The following INPP4B variants were observed in gnomAD, a reference collection of about 807,000 sequenced individuals.
The protein encoded by INPP4B is inositol polyphosphate 4-phosphatase type II.
A neutral mutation model predicts 122.5 loss-of-function variants in INPP4B; 55 were observed. The ratio of observed to expected loss-of-function variants is 0.45; its 90% CI spans 0.36 to 0.56. INPP4B has a LOEUF of 0.56. Ranked by LOEUF, INPP4B falls within the 20% of genes least tolerant of loss-of-function variation. The pLI is 0.00. For missense variants in INPP4B, 1,000 were observed against 1,097.7 expected, an observed-to-expected ratio of 0.91 and a Z score of 1.26; for synonymous variants, 403 against 388.7, an observed-to-expected ratio of 1.04 and a Z score of -0.43.
At chr4:142,096,575 T>A (rs1781886390) in intron 23 of INPP4B, among the ~76,000 whole-genome samples, 1 of 152,148 alleles carries the variant, frequency 6.6e-6, no homozygotes, top group African/African-American at 2.4e-5. Context: ...TGGATATTAT[T>A]TCTTCTCACT....
chr4:142,785,335 A>G (rs905213365), intron 1 of INPP4B, among the ~76,000 whole-genome samples: 2 of 152,108 alleles, frequency 1.3e-5, no homozygotes, highest in Admixed American at 6.6e-5. Flanking sequence ...CTGAAGACAT[A>G]AAGCAACTGT....
chr4:142,330,568 C>T (rs541604456), intron 7 of INPP4B, among the ~76,000 whole-genome samples: 3 of 152,260 alleles, frequency 2.0e-5, no homozygotes, highest in East Asian at 3.9e-4. Flanking sequence ...CACACACACA[C>T]ATATTCAGTG....
chr4:142,139,603 G>A (rs1306309499), intron 18 of INPP4B, among the ~76,000 whole-genome samples: 12 of 152,092 alleles, frequency 7.9e-5, no homozygotes, highest in Admixed American at 2.6e-4. Context: ...CACCCTGCCC[G>A]GCCCAGTCTT....
intron 16 of INPP4B, among the ~76,000 whole-genome samples, chr4:142,164,726 T>C (rs1364866007): frequency 4.6e-5 from 7 of 151,718 alleles, no homozygotes; most frequent in Admixed American, 4.6e-4. Context: ...GGTCTTTTTA[T>C]TTATTATTTT....
chr4:142,361,098 T>G (rs1330193824), intron 7 of INPP4B, among the ~76,000 whole-genome samples: 2 of 151,842 alleles, frequency 1.3e-5, no homozygotes, highest in Non-Finnish European at 2.9e-5. Context: ...TTTTCTCCAT[T>G]CCACTGCCAA....
chr4:142,440,499 T>C (rs916086715), intron 3 of INPP4B, among the ~76,000 whole-genome samples: 1 of 152,190 alleles, frequency 6.6e-6, no homozygotes, highest in East Asian at 1.9e-4. Flanking sequence ...ATCCAAGATG[T>C]TGGTTTTCCT....
chr4:142,139,740 T>C (rs1426295695), intron 18 of INPP4B, among the ~76,000 whole-genome samples: 1 of 152,240 alleles, frequency 6.6e-6, no homozygotes, highest in Non-Finnish European at 1.5e-5. Context: ...ACTTTTAGGA[T>C]GAAAAATCTT....
At chr4:142,180,028 A>G (rs945715483) in intron 15 of INPP4B, among the ~76,000 whole-genome samples, 1 of 152,160 alleles carries the variant, frequency 6.6e-6, no homozygotes, top group Non-Finnish European at 1.5e-5. Context: ...ATCAAAGTAC[A>G]GAGTAAGAAA....
At chr4:142,031,944 A>G (rs555417762) in intron 25 of INPP4B, among the ~76,000 whole-genome samples, 1 of 152,308 alleles carries the variant, frequency 6.6e-6, no homozygotes, top group Admixed American at 6.5e-5. Flanking sequence ...GAGCAGGAAT[A>G]GAAAAATAAT....
intron 15 of INPP4B, among the ~76,000 whole-genome samples, chr4:142,183,505 T>C (rs1831780832): frequency 6.6e-6 from 1 of 152,228 alleles, no homozygotes; most frequent in African/African-American, 2.4e-5. Flanking sequence ...ACACTTAGCT[T>C]TCAAAGCTCT....
At chr4:142,058,572 A>T (rs1758913365) in intron 25 of INPP4B, among the ~76,000 whole-genome samples, 3 of 152,146 alleles carry the variant, frequency 2.0e-5, no homozygotes, top group Admixed American at 2.0e-4. Context: ...GCACTGCAGA[A>T]TTCATATACC....
rs1251359636 is a variant in INPP4B at position 142,082,137 on chromosome 4, T to C, written c.2536A>G (p.Lys846Glu). ...GTCACTGACATCGATGTCCTGTCTT[T>C]GGCACTTTTACAACAGGTGAAACGA... ...GIRFTCCKSA[K>E]DRTSMSVTLE... Residue 846 changes from lysine (K) to glutamate (E), a missense_variant, in exon 25 of 26, where the codon AAA becomes GAA. Lys to Glu is a moderately conservative substitution (Grantham distance 56). Transcript: ENST00000262992. The C allele has an allele frequency of 1.9e-6, 3 of 1,539,856 alleles. No individual in the cohort carries two copies. The highest frequency in any genetic ancestry group is 2.7e-6 in the Non-Finnish European group (3 of 1,125,878).
chr4:142,688,966 C>T (rs747861857), intron 2 of INPP4B, among the ~76,000 whole-genome samples: 9 of 152,226 alleles, frequency 5.9e-5, no homozygotes, highest in Non-Finnish European at 7.3e-5. Context: ...AAGAAGACAG[C>T]TTTCGACTCC....
chr4:142,124,275 T>C (rs972938027), intron 19 of INPP4B, among the ~76,000 whole-genome samples: 6 of 152,118 alleles, frequency 3.9e-5, no homozygotes, highest in African/African-American at 1.4e-4. Context: ...TCCCTTCCCT[T>C]ACACTTATGT....
At chr4:142,544,784 G>A (rs1431434073) in intron 2 of INPP4B, among the ~76,000 whole-genome samples, 2 of 152,118 alleles carry the variant, frequency 1.3e-5, no homozygotes, top group Admixed American at 1.3e-4. Context: ...AAGGAAGATT[G>A]AGTGTTGACT....
intron 18 of INPP4B, among the ~76,000 whole-genome samples, chr4:142,130,968 G>A (rs914820450): frequency 2.0e-5 from 3 of 152,144 alleles, no homozygotes; most frequent in African/African-American, 4.8e-5. Flanking sequence ...TTCTTATTTC[G>A]TAGCACAAAA....
chr4:142,167,864 ACTTTC>A (rs1823585268), intron 16 of INPP4B, among the ~76,000 whole-genome samples: 1 of 151,658 alleles, frequency 6.6e-6, no homozygotes, highest in Non-Finnish European at 1.5e-5. Context: ...CTTCCTGAAG[ACTTTC>A]CTTTATGATT....
chr4:142,194,475 T>C (rs1837336289), intron 14 of INPP4B, among the ~76,000 whole-genome samples: 2 of 152,182 alleles, frequency 1.3e-5, no homozygotes, highest in Admixed American at 6.5e-5. Flanking sequence ...TGGAAAGGCA[T>C]CACAGCTTTC....
At chr4:142,193,750 G>A (rs189756602) in intron 14 of INPP4B, among the ~76,000 whole-genome samples, 1 of 152,234 alleles carries the variant, frequency 6.6e-6, no homozygotes, top group East Asian at 1.9e-4. Flanking sequence ...TTCCTTAGGT[G>A]ACATAGAAAG....
Sources: allele counts gnomAD v4.1 joint callset (sites outside exome capture counted in the v4.1 genomes callset), GRCh38; gene constraint gnomAD v4.1.1; transcripts MANE v1.5; gene names NCBI Gene and HGNC (gene_info 2026-07-23, HGNC 2026-07-21).